MINDY2: variants seen among roughly 807,000 people sequenced by gnomAD.
MINDY2 encodes the protein MINDY lysine 48 deubiquitinase 2, also known as ubiquitin carboxyl-terminal hydrolase MINDY-2.
A neutral mutation model predicts 68.2 loss-of-function variants in MINDY2; 52 were observed. That is an observed-to-expected ratio of 0.76 (90% CI 0.61 to 0.96). MINDY2 has a LOEUF of 0.96. Ranked by LOEUF, MINDY2 falls within the 40% of genes least tolerant of loss-of-function variation. MINDY2 has a pLI of 0.00. For synonymous variants in MINDY2, 372 were observed against 303.0 expected, an observed-to-expected ratio of 1.23 and a Z score of -2.36; for missense variants, 881 against 773.4, an observed-to-expected ratio of 1.14 and a Z score of -1.65.
At chr15:58,792,330 A>G (rs1022223786) in intron 2 of MINDY2, among the ~76,000 whole-genome samples, 1 of 152,266 alleles carries the variant, frequency 6.6e-6, no homozygotes, top group Admixed American at 6.5e-5. Flanking sequence ...TGTTCAGGCC[A>G]CACGCGGTGG....
At chr15:58,833,588 G>T (rs977695481) in intron 6 of MINDY2, among the ~76,000 whole-genome samples, 1 of 152,174 alleles carries the variant, frequency 6.6e-6, no homozygotes, top group African/African-American at 2.4e-5. Context: ...AGGTAAACAC[G>T]TGAACAAATG....
At chr15:58,849,967 G>C (rs1383908629) in intron 7 of MINDY2, among the ~76,000 whole-genome samples, 3 of 152,128 alleles carry the variant, frequency 2.0e-5, no homozygotes, top group African/African-American at 7.2e-5. Flanking sequence ...GAACTCCTGG[G>C]CTCAAGTGAT....
intron 3 of MINDY2, among the ~76,000 whole-genome samples, chr15:58,807,351 G>GTTT (rs1903088463): frequency 1.6e-5 from 2 of 124,344 alleles, no homozygotes; most frequent in Non-Finnish European, 3.3e-5. Flanking sequence ...TTTTAAAATA[G>GTTT]TCTTTTTTTT....
chr15:58,824,378 A>T (rs1444636470), intron 5 of MINDY2, among the ~76,000 whole-genome samples: 3 of 152,184 alleles, frequency 2.0e-5, no homozygotes, highest in African/African-American at 7.2e-5. Flanking sequence ...TAGAATTTTT[A>T]GGGAATATCT....
chr15:58,784,368 C>A (rs1277169811), intron 1 of MINDY2, among the ~76,000 whole-genome samples: 1 of 152,014 alleles, frequency 6.6e-6, no homozygotes, highest in East Asian at 1.9e-4. Context: ...CTAGTTAATT[C>A]AGTAATATTT....
intron 2 of MINDY2, among the ~76,000 whole-genome samples, chr15:58,801,492 T>A (rs1040178203): frequency 2.6e-5 from 4 of 151,620 alleles, no homozygotes; most frequent in Non-Finnish European, 5.9e-5. Flanking sequence ...AATACGTAGA[T>A]TTAAAAGTAT....
At chr15:58,845,878 C>T (rs1372925836) in intron 6 of MINDY2, among the ~76,000 whole-genome samples, 1 of 152,182 alleles carries the variant, frequency 6.6e-6, no homozygotes, top group African/African-American at 2.4e-5. Context: ...AACAGAATGA[C>T]ATCCTGTCAA....
rs1379363091 is a variant in MINDY2, at chr15:58,858,028, CCT to C, written c.*3421_*3422del. On this transcript the variant is annotated 3_prime_UTR_variant, in exon 9 of 9. Coordinates refer to ENST00000559228, the MANE Select transcript of MINDY2 (RefSeq NM_001040450.3). ...GTGTTTCTGAAGCAAGTTTTCATGA[CCT>C]CTGTTAGATTCTCAAAAGAATTCAG... 6.6e-6 allele frequency: 1 copy of C among 152,168 alleles called. No individual in the cohort carries two copies. Among genetic ancestry groups the C allele is most frequent in the Non-Finnish European group, 1.5e-5 (1 of 68,020 alleles). 9.4% of individuals were successfully genotyped at this position (152,168 alleles called of 1,614,324 possible). A position where few individuals can be genotyped will look rare whatever the true frequency, so the allele number is the denominator to read the frequency against.
intron 2 of MINDY2, among the ~76,000 whole-genome samples, chr15:58,795,462 G>A (rs1390856614): frequency 1.3e-5 from 2 of 152,058 alleles, no homozygotes; most frequent in African/African-American, 2.4e-5. Context: ...CTGGAGTGCA[G>A]TGGCGCGATC....
At chr15:58,799,996 G>A (rs530849183) in intron 2 of MINDY2, among the ~76,000 whole-genome samples, 6 of 152,048 alleles carry the variant, frequency 3.9e-5, no homozygotes, top group Admixed American at 6.6e-5. Flanking sequence ...TAGAGATGGT[G>A]GCATTGTCTT....
intron 6 of MINDY2, among the ~76,000 whole-genome samples, chr15:58,844,091 G>T (rs1352101076): frequency 3.9e-5 from 6 of 152,048 alleles, no homozygotes; most frequent in Admixed American, 3.9e-4. Context: ...AGAAAGCATT[G>T]ACTGCATAAT....
chr15:58,821,955 G>C, intron 5 of MINDY2, 136 bp downstream of exon 5: 2 of 581,828 alleles, frequency 3.4e-6, no homozygotes, highest in South Asian at 4.1e-5. Context: ...ATTTTAAGAA[G>C]TAACCATCCA....
chr15:58,849,875 T>TA (rs1314571854), intron 7 of MINDY2, among the ~76,000 whole-genome samples: 3 of 152,162 alleles, frequency 2.0e-5, no homozygotes, highest in Admixed American at 2.0e-4. Flanking sequence ...TAGCTGGGAC[T>TA]ACAGGCATGT....
At chr15:58,847,125 G>A (rs538358965) in intron 6 of MINDY2, among the ~76,000 whole-genome samples, 172 bp from the exon 7 acceptor site, 95 of 152,166 alleles carry the variant, frequency 6.2e-4, no homozygotes, top group African/African-American at 2.1e-3. Flanking sequence ...AAAGCCGAGT[G>A]GATTTGAGGA....
chr15:58,856,438 G>C lies in MINDY2; in HGVS notation c.*1828G>C, dbSNP rs1411569725. ...TAAGGGAAAAATCCAGGGTCAAGCT[G>C]TATCTTTTATGTCCTTTATATTGCA... On this transcript the variant is annotated 3_prime_UTR_variant, in exon 9 of 9. Coordinates refer to ENST00000559228, the MANE Select transcript of MINDY2 (RefSeq NM_001040450.3). The C allele has an allele frequency of 6.6e-6, 1 of 152,508 alleles. No individual in the cohort carries two copies. The highest frequency in any genetic ancestry group is 1.5e-5 in the Non-Finnish European group (1 of 68,020). 9.4% of individuals were successfully genotyped at this position (152,508 alleles called of 1,614,324 possible). A position where few individuals can be genotyped will look rare whatever the true frequency, so the allele number is the denominator to read the frequency against.
At position 58,861,180 on chromosome 15, in the gene MINDY2, A is replaced by G. The variant is rs2033209688; in HGVS notation, c.*6570A>G. On this transcript the variant is annotated 3_prime_UTR_variant, in exon 9 of 9. Coordinates refer to ENST00000559228, the MANE Select transcript of MINDY2 (RefSeq NM_001040450.3). ...TTTGAGGAGTAGCAAGTGGAATGGTATAATGACTACAGAGAAAATTATCTT... is the reference window on the plus strand; with the variant it reads ...TTTGAGGAGTAGCAAGTGGAATGGTGTAATGACTACAGAGAAAATTATCTT... The G allele has an allele frequency of 6.6e-6, 1 of 152,250 alleles. No individual in the cohort carries two copies. Among genetic ancestry groups the G allele is most frequent in the Non-Finnish European group, 1.5e-5 (1 of 68,046 alleles). The allele number at this position is 152,250 out of a possible 1,614,324, so 9.4% of individuals were successfully genotyped here.
chr15:58,833,666 C>T (rs750665909), intron 6 of MINDY2, among the ~76,000 whole-genome samples: 12 of 152,130 alleles, frequency 7.9e-5, no homozygotes, highest in Non-Finnish European at 1.6e-4. Context: ...ATAAACATCG[C>T]AATGCCTTAA....
chr15:58,853,245 G>T (rs1009447141), intron 8 of MINDY2, among the ~76,000 whole-genome samples: 2 of 151,662 alleles, frequency 1.3e-5, no homozygotes, highest in African/African-American at 4.8e-5. Context: ...GAGGCACCAC[G>T]CCTGGCCTAA....
intron 4 of MINDY2, among the ~76,000 whole-genome samples, chr15:58,817,218 A>G (rs1200746009): frequency 1.2e-4 from 18 of 152,202 alleles, no homozygotes; most frequent in African/African-American, 4.3e-4. Flanking sequence ...TAAAAAATGA[A>G]TAAAGGATTA....
Sources: gnomAD v4.1 joint callset for allele counts (sites outside exome capture counted in the v4.1 genomes callset) on GRCh38, gnomAD v4.1.1 for gene constraint, MANE v1.5 for transcripts, NCBI Gene and HGNC (gene_info 2026-07-23, HGNC 2026-07-21) for gene names.